MYBPC2: variants seen among roughly 807,000 people sequenced by gnomAD.
The protein encoded by MYBPC2 is myosin-binding protein C, fast-type.
In MYBPC2, 122 loss-of-function variants were observed where a neutral mutation model predicts 137.0. That is an observed-to-expected ratio of 0.89 (90% confidence interval 0.77 to 1.03). The LOEUF (loss-of-function observed/expected upper bound fraction) is 1.03. Among genes scored for constraint, MYBPC2 ranks in the 50% least tolerant of loss-of-function variants. MYBPC2 has a pLI of 0.00. For missense variants in MYBPC2, 1,500 were observed against 1,534.4 expected (o/e 0.98, Z 0.37); for synonymous variants, 626 against 612.3 (o/e 1.02, Z -0.33).
chr19:50,452,118 G>A, intron 16 of MYBPC2, 115 bp downstream of exon 16: 1 of 1,204,890 alleles, frequency 8.3e-7, no homozygotes, highest in East Asian at 2.6e-5. Context: ...TTCTTCACAG[G>A]GTTGTTTTGA....
At chr19:50,455,792 TG>T in intron 20 of MYBPC2, 148 bp downstream of exon 20, 1 of 1,215,198 alleles carries the variant, frequency 8.2e-7, no homozygotes, top group East Asian at 2.6e-5. Flanking sequence ...GTCTCTGGGA[TG>T]GGACCCCCCT....
intron 24 of MYBPC2, 112 bp downstream of exon 24, chr19:50,460,291 G>C (rs1201170491): frequency 2.1e-6 from 3 of 1,415,810 alleles, no homozygotes; most frequent in Non-Finnish European, 2.8e-6. Flanking sequence ...GCTAGAGGAC[G>C]GGCTGGGGCC....
At chr19:50,453,933 G>C (rs1390770885) in intron 16 of MYBPC2, 87 bp from the exon 17 acceptor site, 2 of 1,412,808 alleles carry the variant, frequency 1.4e-6, no homozygotes, top group East Asian at 5.0e-5. Flanking sequence ...AATCATGGGA[G>C]GATTCTGAGC....
intron 16 of MYBPC2, among the ~76,000 whole-genome samples, chr19:50,452,530 A>ATCTG (rs1176900739): frequency 6.6e-6 from 1 of 151,508 alleles, no homozygotes; most frequent in East Asian, 1.9e-4. Context: ...CTATCTATCT[A>ATCTG]TCTATCTATG....
At chr19:50,443,992 T>G (rs2039779449) in intron 11 of MYBPC2, among the ~76,000 whole-genome samples, 176 bp downstream of exon 11, 1 of 127,772 alleles carries the variant, frequency 7.8e-6, no homozygotes, top group Non-Finnish European at 1.7e-5. Flanking sequence ...CTAAAATTGT[T>G]TCTAGAATTT....
intron 4 of MYBPC2, 106 bp downstream of exon 4, chr19:50,436,266 G>A (rs1279008996): frequency 5.5e-6 from 8 of 1,461,066 alleles, no homozygotes; most frequent in East Asian, 5.0e-5. Context: ...GCCTGGAGCC[G>A]GGATGGAGAG....
Position 50,435,801 on chromosome 19 carries a change from G to C in MYBPC2, c.135G>C (p.Pro45=), listed in dbSNP as rs749160586. The C allele has an allele frequency of 3.1e-6, 5 of 1,611,698 alleles. No individual in the cohort carries two copies. In the South Asian group the frequency reaches 5.5e-5, roughly 18 times the overall value. ...PKEAPPEDQS[P]TAEEPTGVFL... Reference sequence around the variant, plus strand: ...AAGCCCCACCCGAGGACCAGTCCCCGACTGCAGAGGAGCCCACCGGCGTTT... The same window carrying C: ...AAGCCCCACCCGAGGACCAGTCCCCCACTGCAGAGGAGCCCACCGGCGTTT... The change falls in exon 3 of 28, where the codon CCG becomes CCC. Residue 45 remains proline, a synonymous_variant. Coordinates refer to ENST00000357701, the MANE Select transcript of MYBPC2 (RefSeq NM_004533.4). This position sits in a 1 kb window ranked among gnomAD's most constrained non-coding sequence, Gnocchi z 4.8.
intron 1 of MYBPC2, among the ~76,000 whole-genome samples, chr19:50,434,721 G>C (rs986346855): frequency 6.6e-6 from 1 of 152,208 alleles, no homozygotes; most frequent in Admixed American, 6.5e-5. Context: ...CAAGCAGGCT[G>C]TGGGGTGGGT....
rs549364654 is a variant in MYBPC2, at chr19:50,442,572, C to T, written c.902+259C>T. Among the ~76,000 whole-genome samples the T allele has an allele frequency of 2.3e-3, 347 of 151,710 alleles. 1 individual carries two copies. Among genetic ancestry groups the T allele is most frequent in the African/African-American group, 8.1e-3 (335 of 41,384 alleles). On this transcript the variant is annotated intron_variant, in intron 9 of 27. Coordinates refer to ENST00000357701, the MANE Select transcript of MYBPC2 (RefSeq NM_004533.4). ...TCTACTAAAAATACAAAAAATTAGCCGGGTGTGGTGGCACATGTCTGTAGT... is the reference window on the plus strand; with the variant it reads ...TCTACTAAAAATACAAAAAATTAGCTGGGTGTGGTGGCACATGTCTGTAGT...
chr19:50,452,492 G>GTATC (rs762606865), intron 16 of MYBPC2, among the ~76,000 whole-genome samples: 3,257 of 122,862 alleles, frequency 0.027, 63 homozygotes, highest in East Asian at 0.072. Context: ...ATGTATGTAT[G>GTATC]TATGTATGTA....
At chr19:50,443,880 T>A in intron 11 of MYBPC2, 64 bp downstream of exon 11, 1 of 1,454,208 alleles carries the variant, frequency 6.9e-7, no homozygotes, top group Non-Finnish European at 9.5e-7. Flanking sequence ...TCTGCCTTGA[T>A]CTTTATGGGA....
chr19:50,462,169 A>T, intron 26 of MYBPC2, 133 bp downstream of exon 26: 2 of 1,310,394 alleles, frequency 1.5e-6, no homozygotes, highest in Non-Finnish European at 2.0e-6. Flanking sequence ...TCACTTAAAA[A>T]ATTTTTTTAA....
At chr19:50,436,478 A>G in intron 4 of MYBPC2, 139 bp from the exon 5 acceptor site, 1 of 802,908 alleles carries the variant, frequency 1.2e-6, no homozygotes. Flanking sequence ...CCAGGTGCTG[A>G]GACCCCTCTC....
chr19:50,445,768 T>C, intron 11 of MYBPC2, 112 bp from the exon 12 acceptor site: 1 of 1,100,652 alleles, frequency 9.1e-7, no homozygotes, highest in Non-Finnish European at 1.3e-6. Context: ...GTCTCCTCCC[T>C]CCGGGGACCT....
chr19:50,434,873 G>A (rs995975319), intron 1 of MYBPC2, among the ~76,000 whole-genome samples: 20 of 152,192 alleles, frequency 1.3e-4, no homozygotes, highest in African/African-American at 4.1e-4. Context: ...AGGTCAGGGC[G>A]TGGTGGCCTG....
At position 50,435,764 on chromosome 19, in the gene MYBPC2, T is replaced by A; in HGVS notation, c.110-12T>A. The A allele has an allele frequency of 6.3e-7, 1 of 1,597,958 alleles. No homozygotes were observed. Among genetic ancestry groups the A allele is most frequent in the East Asian group, 2.3e-5 (1 of 44,410 alleles). The stretch of plus-strand genomic sequence containing the variant: ...CTCAGACCTCCTCATCCTAATCCTG[T>A]CCCCTGAACAGAAGCCCCACCCGAG... On this transcript the variant is annotated splice_polypyrimidine_tract_variant and intron_variant, in intron 2 of 27. Transcript: ENST00000357701. This position sits in a 1 kb window ranked among gnomAD's most constrained non-coding sequence, Gnocchi z 4.8.
chr19:50,441,518 AG>A (rs1258383011), intron 8 of MYBPC2, among the ~76,000 whole-genome samples: 3 of 152,224 alleles, frequency 2.0e-5, no homozygotes, highest in African/African-American at 7.2e-5. Flanking sequence ...AGGAGCAGTC[AG>A]AGGGCTGTAA....
intron 14 of MYBPC2, 86 bp from the exon 15 acceptor site, chr19:50,451,194 C>T: frequency 6.6e-7 from 1 of 1,515,054 alleles, no homozygotes. Context: ...CTGCCAGACC[C>T]TGTCACCTCT....
intron 16 of MYBPC2, 42 bp from the exon 17 acceptor site, chr19:50,453,978 G>A (rs2039883410): frequency 6.5e-7 from 1 of 1,548,794 alleles, no homozygotes; most frequent in Non-Finnish European, 8.7e-7. Context: ...GGTTTGCTTG[G>A]GGACACGATG....
Sources: gnomAD v4.1 joint callset for allele counts (sites outside exome capture counted in the v4.1 genomes callset) on GRCh38, gnomAD v4.1.1 for gene constraint, Gnocchi (gnomAD v3.1) non-coding constraint, MANE v1.5 for transcripts, NCBI Gene and HGNC (gene_info 2026-07-23, HGNC 2026-07-21) for gene names.